The following RASSF9 variants were observed in gnomAD, a reference collection of about 807,000 sequenced individuals.
The protein encoded by RASSF9 is ras association domain-containing protein 9.
In RASSF9, 18 loss-of-function variants were observed where a neutral mutation model predicts 21.4. The ratio of observed to expected loss-of-function variants is 0.84; its 90% confidence interval spans 0.58 to 1.25. The LOEUF (loss-of-function observed/expected upper bound fraction) is 1.25, where lower values mean the gene tolerates loss of function less well. RASSF9 is among the 50% of genes most tolerant of loss of function. The pLI is 0.00. For missense variants in RASSF9, 480 were observed against 503.2 expected, an observed-to-expected ratio of 0.95 and a Z score of 0.44; for synonymous variants, 183 against 179.1, an observed-to-expected ratio of 1.02 and a Z score of -0.18.
chr12:85,807,720 A>G (rs1314118696), intron 1 of RASSF9, among the ~76,000 whole-genome samples: 1 of 152,064 alleles, frequency 6.6e-6, no homozygotes, highest in Non-Finnish European at 1.5e-5. Flanking sequence ...TGTTCTATAG[A>G]AGGTCAAGGG....
chr12:85,836,192 A>C lies in RASSF9; in HGVS notation c.10T>G (p.Phe4Val), dbSNP rs991510663. The part of the protein sequence containing the change: MAP[F>V]GRNLLKTRHK... ...CGAGTCTTTAGCAAGTTTCTTCCAAAGGGAGCCATGGTCTGTCGGGCAAAC... is the reference window on the plus strand; with the variant it reads ...CGAGTCTTTAGCAAGTTTCTTCCAACGGGAGCCATGGTCTGTCGGGCAAAC... The change falls in exon 1 of 2, where the codon TTT becomes GTT. Residue 4 changes from phenylalanine (F) to valine (V), a missense_variant. Transcript: ENST00000361228. 1 of 1,444,636 alleles carries C rather than the reference A, an allele frequency of 6.9e-7. No individual in the cohort carries two copies. The highest frequency in any genetic ancestry group is 1.5e-5 in the African/African-American group (1 of 66,478). The allele number at this position is 1,444,636 out of a possible 1,614,324, so 89.5% of individuals were successfully genotyped here.
At chr12:85,806,051 T>C (rs1190813654) in intron 1 of RASSF9, 89 bp from the exon 2 acceptor site, 17 of 1,403,122 alleles carry the variant, frequency 1.2e-5, no homozygotes, top group Non-Finnish European at 1.1e-5. Context: ...TTTCTAGATT[T>C]TTACCCTTAA....
chr12:85,809,385 G>A (rs1407302780), intron 1 of RASSF9, among the ~76,000 whole-genome samples: 1 of 151,996 alleles, frequency 6.6e-6, no homozygotes, highest in Admixed American at 6.6e-5. Flanking sequence ...TTTTCCACTA[G>A]GCAGCCATAA....
chr12:85,831,076 G>A (rs1415263349), intron 1 of RASSF9, among the ~76,000 whole-genome samples: 1 of 151,982 alleles, frequency 6.6e-6, no homozygotes, highest in African/African-American at 2.4e-5. Flanking sequence ...TGATATGTAA[G>A]AGGCAAAGAG....
intron 1 of RASSF9, among the ~76,000 whole-genome samples, chr12:85,806,601 A>G (rs1879840071): frequency 7.7e-6 from 1 of 130,602 alleles, no homozygotes; most frequent in Non-Finnish European, 1.6e-5. Flanking sequence ...TTAATCCAGG[A>G]GGCGGTGGTT....
chr12:85,811,744 A>G (rs1287068776), intron 1 of RASSF9, among the ~76,000 whole-genome samples: 1 of 151,710 alleles, frequency 6.6e-6, no homozygotes, highest in Non-Finnish European at 1.5e-5. Flanking sequence ...TTAATAAATT[A>G]TATGGTCAGA....
At chr12:85,818,167 A>G (rs76504640) in intron 1 of RASSF9, among the ~76,000 whole-genome samples, 2,089 of 152,338 alleles carry the variant, frequency 0.014, 23 homozygotes, top group Middle Eastern at 0.024. Flanking sequence ...ATTGGATAAT[A>G]ATAACTCATA....
chr12:85,814,460 C>T (rs1306258062), intron 1 of RASSF9, among the ~76,000 whole-genome samples: 2 of 151,972 alleles, frequency 1.3e-5, no homozygotes, highest in Non-Finnish European at 2.9e-5. Flanking sequence ...AGTGGCACTG[C>T]TGAAAAGCCC....
chr12:85,831,710 T>G (rs1880455388), intron 1 of RASSF9, among the ~76,000 whole-genome samples: 1 of 151,952 alleles, frequency 6.6e-6, no homozygotes, highest in South Asian at 2.1e-4. Flanking sequence ...AACAAAATAG[T>G]GCATAATAAT....
chr12:85,822,185 T>A (rs1880226700), intron 1 of RASSF9, among the ~76,000 whole-genome samples: 1 of 152,206 alleles, frequency 6.6e-6, no homozygotes, highest in Non-Finnish European at 1.5e-5. Flanking sequence ...CCACATTGGC[T>A]TTGCCTTCTT....
intron 1 of RASSF9, among the ~76,000 whole-genome samples, chr12:85,819,255 G>A (rs1880156133): frequency 6.6e-6 from 1 of 151,152 alleles, no homozygotes; most frequent in African/African-American, 2.4e-5. Flanking sequence ...CTATGTTGCT[G>A]GAGCTGGTCC....
At position 85,802,449 on chromosome 12, in the gene RASSF9, A is replaced by G. The variant is rs1879724195; in HGVS notation, c.*2253T>C. On this transcript the variant is annotated 3_prime_UTR_variant, in exon 2 of 2. Coordinates refer to ENST00000361228, the MANE Select transcript of RASSF9 (RefSeq NM_005447.4). Reference sequence around the variant, plus strand: ...TTGTATAACTAATGAGCAAATGGAAATTCTGAAATGAATTTAAAAAGCAAT... The same window carrying G: ...TTGTATAACTAATGAGCAAATGGAAGTTCTGAAATGAATTTAAAAAGCAAT... The G allele has an allele frequency of 6.6e-6, 1 of 152,224 alleles. No homozygotes were observed. Among genetic ancestry groups the G allele is most frequent in the Admixed American group, 6.5e-5 (1 of 15,282 alleles). 9.4% of individuals were successfully genotyped at this position (152,224 alleles called of 1,614,324 possible).
At chr12:85,823,713 T>C (rs1294567150) in intron 1 of RASSF9, among the ~76,000 whole-genome samples, 1 of 152,146 alleles carries the variant, frequency 6.6e-6, no homozygotes, top group Non-Finnish European at 1.5e-5. Context: ...TGCTGTTTGA[T>C]GAAAAAGCCT....
rs771318172 is a variant in RASSF9 at position 85,836,173 on chromosome 12, T to G, written c.29A>C (p.Lys10Thr). MAPFGRNLL[K>T]TRHKNRSPTK... is the part of the protein sequence containing the mutation. Reference sequence around the variant, plus strand: ...ACTTTACCTGTTTTTATGCCGAGTCTTTAGCAAGTTTCTTCCAAAGGGAGC... The same window carrying G: ...ACTTTACCTGTTTTTATGCCGAGTCGTTAGCAAGTTTCTTCCAAAGGGAGC... The change falls in exon 1 of 2, where the codon AAG (lysine) becomes ACG (threonine). Residue 10 changes from lysine to threonine, a missense_variant. Coordinates refer to ENST00000361228, the MANE Select transcript of RASSF9 (RefSeq NM_005447.4). The G allele has an allele frequency of 6.4e-7, 1 of 1,550,954 alleles. No individual in the cohort carries two copies. Among genetic ancestry groups the G allele is most frequent in the African/African-American group, 1.4e-5 (1 of 72,812 alleles).
chr12:85,833,743 GTC>G (rs1186493723), intron 1 of RASSF9, among the ~76,000 whole-genome samples: 1 of 151,802 alleles, frequency 6.6e-6, no homozygotes, highest in African/African-American at 2.4e-5. Flanking sequence ...TGTTATTGTT[GTC>G]TGTTATATAT....
At chr12:85,811,148 C>G (rs1879945534) in intron 1 of RASSF9, among the ~76,000 whole-genome samples, 1 of 151,866 alleles carries the variant, frequency 6.6e-6, no homozygotes, top group African/African-American at 2.4e-5. Context: ...TAATCAAACT[C>G]CTGGGTTGAA....
chr12:85,834,942 A>G (rs2136566332), intron 1 of RASSF9, among the ~76,000 whole-genome samples: 1 of 152,242 alleles, frequency 6.6e-6, no homozygotes, highest in African/African-American at 2.4e-5. Context: ...TTTGTGAAAT[A>G]TTGTCAAATT....
Position 85,803,954 on chromosome 12 carries a change from T to G in RASSF9, c.*748A>C, listed in dbSNP as rs896941429. ...CTCTGTAACCCACACTATACCTCAC[T>G]CAGTGAATGAACATGGGTTTGGTCA... On this transcript the variant is annotated 3_prime_UTR_variant, in exon 2 of 2. Coordinates refer to ENST00000361228, the MANE Select transcript of RASSF9 (RefSeq NM_005447.4). 2 of 152,220 alleles carry G rather than the reference T, an allele frequency of 1.3e-5. No individual in the cohort carries two copies. The highest frequency in any genetic ancestry group is 2.9e-5 in the Non-Finnish European group (2 of 68,032). 9.4% of individuals were successfully genotyped at this position (152,220 alleles called of 1,614,324 possible). A position where few individuals can be genotyped will look rare whatever the true frequency, so the allele number is the denominator to read the frequency against.
chr12:85,833,577 G>T (rs1880498631), intron 1 of RASSF9, among the ~76,000 whole-genome samples: 2 of 151,864 alleles, frequency 1.3e-5, no homozygotes, highest in South Asian at 4.1e-4. Context: ...CACTCCAAGA[G>T]TGACCAAAAA....
Sources: gnomAD v4.1 joint callset for allele counts (sites outside exome capture counted in the v4.1 genomes callset) on GRCh38, gnomAD v4.1.1 for gene constraint, MANE v1.5 for transcripts, NCBI Gene and HGNC (gene_info 2026-07-23, HGNC 2026-07-21) for gene names.